Variants in MAP3K15 observed in about 807,000 individuals in gnomAD.
MAP3K15 encodes the protein mitogen-activated protein kinase kinase kinase 15.
In MAP3K15, 124 loss-of-function variants were observed where a neutral mutation model predicts 99.5. That is an observed-to-expected ratio of 1.25 (90% CI 1.08 to 1.45). The LOEUF (loss-of-function observed/expected upper bound fraction) is 1.45, where lower values mean the gene tolerates loss of function less well. MAP3K15 is among the 40% of genes most tolerant of loss of function. The pLI is 0.00. For synonymous variants in MAP3K15, 494 were observed against 439.6 expected, an observed-to-expected ratio of 1.12 and a Z score of -1.55; for missense variants, 1,242 against 1,079.7, an observed-to-expected ratio of 1.15 and a Z score of -2.11.
chrX:19,452,056 CAG>C (rs1352651917), intron 6 of MAP3K15, among the ~76,000 whole-genome samples: 1 of 13,766 alleles, frequency 7.3e-5, no homozygotes, highest in East Asian at 6.8e-3. Flanking sequence ...AGGATTCTGT[CAG>C]AGAAGAGAAG....
intron 1 of MAP3K15, among the ~76,000 whole-genome samples, chrX:19,503,136 ACTGACT>A (rs2064451587): frequency 9.0e-6 from 1 of 111,692 alleles, no homozygotes; most frequent in Non-Finnish European, 1.9e-5. Context: ...GAGTGGGATC[ACTGACT>A]CCTAGCTTTC....
intron 1 of MAP3K15, chrX:19,497,049 G>C (rs768360744): frequency 6.3e-5 from 7 of 110,902 alleles, no homozygotes; most frequent in Admixed American, 9.7e-5. Flanking sequence ...CAGAGTTTAT[G>C]ATCTGCATCA....
rs187519177 is a variant in MAP3K15, at chrX:19,393,917, C to T, written c.2194+1164G>A. On this transcript the variant is annotated intron_variant, in intron 16 of 28. Coordinates refer to ENST00000338883, the MANE Select transcript of MAP3K15 (RefSeq NM_001001671.4). ...CCTCCGGAGTAGCTGGGACTACAGG[C>T]GCACGCCACCACACCTGGCTAATTT... 6.7e-4 allele frequency among the ~76,000 whole-genome samples: 72 copies of T among 107,955 alleles called. No individual in the cohort carries two copies. In the East Asian group the frequency reaches 0.012, roughly 18 times the overall value. 93.7% of individuals were successfully genotyped at this position (107,955 alleles called of 115,157 possible).
At chrX:19,482,864 G>A (rs1467422155) in intron 3 of MAP3K15, among the ~76,000 whole-genome samples, 1 of 111,575 alleles carries the variant, frequency 9.0e-6, no homozygotes, top group East Asian at 2.8e-4. Context: ...TGTTTCCAAA[G>A]AGCAAAGAAA....
At chrX:19,477,112 C>T (rs1377811398) in intron 3 of MAP3K15, among the ~76,000 whole-genome samples, 2 of 111,798 alleles carry the variant, frequency 1.8e-5, no homozygotes, top group African/African-American at 6.5e-5. Context: ...AATTATGTCT[C>T]GATTTAAAGA....
Position 19,504,240 on chromosome X carries a change from C to T in MAP3K15, c.361+10661G>A, listed in dbSNP as rs949804199. The stretch of plus-strand genomic sequence containing the variant: ...AGCTAGGCTATGCTGCCACAACAGA[C>T]GAATCCCCAAGGCTTCAGTGGCTTA... On this transcript the variant is annotated intron_variant, in intron 1 of 28. Transcript: ENST00000338883. 6.3e-5 allele frequency among the ~76,000 whole-genome samples: 7 copies of T among 111,650 alleles called. No homozygotes were observed. In the South Asian group the frequency reaches 1.1e-3, roughly 18 times the overall value.
intron 1 of MAP3K15, among the ~76,000 whole-genome samples, chrX:19,511,192 C>T (rs775220925): frequency 3.6e-5 from 4 of 111,751 alleles, no homozygotes; most frequent in East Asian, 2.8e-4. Flanking sequence ...AAGACTTAAA[C>T]GTAAGACCTA....
intron 6 of MAP3K15, among the ~76,000 whole-genome samples, chrX:19,441,442 T>TAA (rs34306041): frequency 2.7e-5 from 3 of 110,265 alleles, no homozygotes; most frequent in Non-Finnish European, 5.7e-5. Flanking sequence ...CCGAATATGC[T>TAA]AAAAAAACCC....
Position 19,514,883 on chromosome X carries a change from G to A in MAP3K15, c.361+18C>T, listed in dbSNP as rs770930137. On this transcript the variant is annotated intron_variant, in intron 1 of 28. Coordinates refer to ENST00000338883, the MANE Select transcript of MAP3K15 (RefSeq NM_001001671.4). ...GGTAGGTGAACTGGGACTGAGGTGG[G>A]GACGAAGCCGCTCTCACCTGCGTCG... The A allele has an allele frequency of 4.8e-6, 5 of 1,051,647 alleles. No individual in the cohort carries two copies. In the South Asian group the frequency reaches 8.4e-5, roughly 18 times the overall value. 86.7% of individuals were successfully genotyped at this position (1,051,647 alleles called of 1,213,427 possible).
At chrX:19,373,743 G>C (rs777104175) in intron 20 of MAP3K15, 48 bp from the exon 21 acceptor site, 1 of 1,150,726 alleles carries the variant, frequency 8.7e-7, no homozygotes, top group Non-Finnish European at 1.2e-6. Context: ...AGAGAGGGAC[G>C]GGGTGGAGCT....
intron 6 of MAP3K15, among the ~76,000 whole-genome samples, chrX:19,444,453 G>A (rs1015679924): frequency 9.0e-6 from 1 of 111,448 alleles, no homozygotes; most frequent in East Asian, 2.8e-4. Context: ...CCAGAGATAC[G>A]CCACTAAAAC....
At chrX:19,393,627 G>C (rs1051222758) in intron 16 of MAP3K15, among the ~76,000 whole-genome samples, 4 of 102,377 alleles carry the variant, frequency 3.9e-5, no homozygotes, top group Non-Finnish European at 7.7e-5. Flanking sequence ...CAGACAGAGA[G>C]ACTCCATCTC....
chrX:19,426,021 C>A (rs746032297), intron 8 of MAP3K15, among the ~76,000 whole-genome samples: 1 of 111,267 alleles, frequency 9.0e-6, no homozygotes, highest in South Asian at 3.8e-4. Flanking sequence ...ACTCAGGAGG[C>A]TGAGGCAGGA....
intron 15 of MAP3K15, among the ~76,000 whole-genome samples, chrX:19,397,493 T>C (rs1022713303): frequency 9.0e-6 from 1 of 111,656 alleles, no homozygotes; most frequent in African/African-American, 3.3e-5. Context: ...CGTGTGTCTG[T>C]AGTCCCAGCT....
chrX:19,368,894 G>T (rs932067242), intron 25 of MAP3K15, among the ~76,000 whole-genome samples, 160 bp downstream of exon 25: 15 of 107,930 alleles, frequency 1.4e-4, no homozygotes, highest in Non-Finnish European at 2.9e-4. Context: ...CTCAATTGAG[G>T]CTGAGAATAT....
At chrX:19,505,997 A>C (rs183161451) in intron 1 of MAP3K15, among the ~76,000 whole-genome samples, 39 of 111,231 alleles carry the variant, frequency 3.5e-4, no homozygotes, top group Non-Finnish European at 6.0e-4. Flanking sequence ...CAATGGCACA[A>C]TCTCGGCTCA....
intron 18 of MAP3K15, among the ~76,000 whole-genome samples, chrX:19,381,583 G>T (rs1234111625): frequency 8.9e-6 from 1 of 112,027 alleles, no homozygotes; most frequent in African/African-American, 3.2e-5. Flanking sequence ...GATAGACAGC[G>T]GTCCGGGGAA....
At chrX:19,507,604 A>AAAAAAAAAAAAAAAAAAAC (rs2064487303) in intron 1 of MAP3K15, among the ~76,000 whole-genome samples, 1 of 104,127 alleles carries the variant, frequency 9.6e-6, no homozygotes, top group African/African-American at 3.5e-5. Context: ...AAAAAAAAAA[A>AAAAAAAAAAAAAAAAAAAC]AAAAAAGAAC....
chrX:19,437,708 C>T (rs1356363938), intron 6 of MAP3K15, among the ~76,000 whole-genome samples: 1 of 111,762 alleles, frequency 8.9e-6, no homozygotes. Flanking sequence ...AGAATGCAAG[C>T]TCCGAGAGGG....
Sources: allele counts gnomAD v4.1 joint callset (sites outside exome capture counted in the v4.1 genomes callset), GRCh38; gene constraint gnomAD v4.1.1; transcripts MANE v1.5; gene names NCBI Gene and HGNC (gene_info 2026-07-23, HGNC 2026-07-21).